Variants in FZD4 observed in about 807,000 individuals in gnomAD.
The protein encoded by FZD4 is frizzled class receptor 4.
FZD4 carries 16 observed loss-of-function variants against 37.3 expected under a neutral mutation model. That is an observed-to-expected ratio of 0.43 (90% CI 0.29 to 0.65). The LOEUF (loss-of-function observed/expected upper bound fraction) is 0.65. FZD4 is among the 30% of genes least tolerant of loss of function. FZD4 has a pLI of 0.16. For missense variants in FZD4, 599 were observed against 674.3 expected (o/e 0.89, Z 1.24); for synonymous variants, 246 against 254.8 (o/e 0.97, Z 0.33).
Position 86,951,955 on chromosome 11 carries a change from A to T in FZD4, c.801T>A (p.Ile267=). Residue 267 remains isoleucine (I), a synonymous_variant, in exon 2 of 2, where the codon ATT becomes ATA. Transcript: ENST00000531380. ...FLSMCYNIYS[I]AYIVRLTVGR... The stretch of plus-strand genomic sequence containing the variant: ...CTACAGTCAGCCTGACAATATAAGC[A>T]ATGCTATAAATATTATAGCACATAC... 6.2e-7 allele frequency: 1 copy of T among 1,613,750 alleles called. No homozygotes were observed. The highest frequency in any genetic ancestry group is 8.5e-7 in the Non-Finnish European group (1 of 1,179,680).
rs564834060 is a variant in FZD4, at chr11:86,950,570, T to C, written c.*572A>G. On this transcript the variant is annotated 3_prime_UTR_variant, in exon 2 of 2. Coordinates refer to ENST00000531380, the MANE Select transcript of FZD4 (RefSeq NM_012193.4). Reference sequence around the variant, plus strand: ...AGGCACTGAAAGATTCTAACACCACTTCTTGGGAGTGCAGTCCACAAAGTT... The same window carrying C: ...AGGCACTGAAAGATTCTAACACCACCTCTTGGGAGTGCAGTCCACAAAGTT... 1.7e-4 allele frequency: 28 copies of C among 166,838 alleles called. No individual in the cohort carries two copies. The highest frequency in any genetic ancestry group is 6.7e-4 in the African/African-American group (28 of 41,732). The allele number at this position is 166,838 out of a possible 1,614,324, so 10.3% of individuals were successfully genotyped here.
In FZD4 at chr11:86,951,288, T is replaced by G. The variant is rs765834466; in HGVS notation, c.1468A>C (p.Thr490Pro). The change falls in exon 2 of 2, where the codon ACT becomes CCT. Residue 490 changes from threonine (T) to proline (P), a missense_variant. This residue lies in a region of FZD4 where 203 missense variants were observed against 196.8 expected (regional missense o/e 1.03). Transcript: ENST00000531380. The stretch of plus-strand genomic sequence containing the variant: ...GCAGACCAAATCCACATGCCTGAAG[T>G]GATGCCCACCAACAAAGACATAAAA... ...KIFMSLLVGITSGMWIWSAKT... is the reference protein window; with the variant it reads ...KIFMSLLVGIPSGMWIWSAKT... 1.2e-6 allele frequency: 2 copies of G among 1,614,078 alleles called. No homozygotes were observed. The highest frequency in any genetic ancestry group is 8.5e-7 in the Non-Finnish European group (1 of 1,180,040).
intron 1 of FZD4, among the ~76,000 whole-genome samples, chr11:86,953,369 A>G (rs754582527): frequency 6.6e-6 from 1 of 152,206 alleles, no homozygotes; most frequent in Non-Finnish European, 1.5e-5. Context: ...ATTGCCACTG[A>G]TGTCAGGATA....
At chr11:86,952,901 TA>T (rs200014931) in intron 1 of FZD4, 117 of 158,936 alleles carry the variant, frequency 7.4e-4, no homozygotes, top group African/African-American at 2.1e-3. Flanking sequence ...AAATAAAAGT[TA>T]AAAAAAAATG....
chr11:86,950,619 A>C lies in FZD4; in HGVS notation c.*523T>G, dbSNP rs1197520612. 1 of 188,944 alleles carries C rather than the reference A, an allele frequency of 5.3e-6. No homozygotes were observed. Among genetic ancestry groups the C allele is most frequent in the Non-Finnish European group, 1.1e-5 (1 of 89,336 alleles). 11.7% of individuals were successfully genotyped at this position (188,944 alleles called of 1,614,324 possible). ...TTCTAAACAGCAGACAGCGCACCAC[A>C]GAAGATGTTTATGTTACATCAGCCA... On this transcript the variant is annotated 3_prime_UTR_variant, in exon 2 of 2. Coordinates refer to ENST00000531380, the MANE Select transcript of FZD4 (RefSeq NM_012193.4).
In FZD4 at chr11:86,950,797, T is replaced by C. The variant is rs886048731; in HGVS notation, c.*345A>G. The C allele has an allele frequency of 1.1e-5, 4 of 359,362 alleles. No individual in the cohort carries two copies. The highest frequency in any genetic ancestry group is 4.1e-5 in the Admixed American group (1 of 24,346). 22.3% of individuals were successfully genotyped at this position (359,362 alleles called of 1,614,324 possible). A position where few individuals can be genotyped will look rare whatever the true frequency, so the allele number is the denominator to read the frequency against. On this transcript the variant is annotated 3_prime_UTR_variant, in exon 2 of 2. Transcript: ENST00000531380. ...GCTAGTTACCAACTCACAGCTCAAATCCCACCCTGCAGGGGAAAACAGTAT... is the reference window on the plus strand; with the variant it reads ...GCTAGTTACCAACTCACAGCTCAAACCCCACCCTGCAGGGGAAAACAGTAT...
chr11:86,954,529 C>T (rs927329573), intron 1 of FZD4: 14 of 985,054 alleles, frequency 1.4e-5, no homozygotes, highest in Non-Finnish European at 1.7e-5. Context: ...CCCTCAGCTC[C>T]ACTGGGGTTA....
rs1371832182 is a variant in FZD4, at chr11:86,949,977, C to T, written c.*1165G>A. The T allele has an allele frequency of 6.6e-6, 1 of 152,346 alleles. No individual in the cohort carries two copies. Among genetic ancestry groups the T allele is most frequent in the Non-Finnish European group, 1.5e-5 (1 of 68,022 alleles). The allele number at this position is 152,346 out of a possible 1,614,324, so 9.4% of individuals were successfully genotyped here. On this transcript the variant is annotated 3_prime_UTR_variant, in exon 2 of 2. Transcript: ENST00000531380. ...TCCTAAGTAGACCAGATTCTGATAA[C>T]ATTCTTATGCTTTAAAAAATAAAAA...
In FZD4 at chr11:86,951,116, G is replaced by A; in HGVS notation, c.*26C>T. On this transcript the variant is annotated 3_prime_UTR_variant, in exon 2 of 2. Transcript: ENST00000531380. ...ATGCTGGCATTCCCCCCTTCAAAAT[G>A]AAGAAAGCATGGAGGCTGACTAGCC... The A allele has an allele frequency of 6.2e-7, 1 of 1,612,318 alleles. No individual in the cohort carries two copies.
rs1286059804 is a variant in FZD4, at chr11:86,951,007, G to GGGTT, written c.*131_*134dup. The GGGTT allele has an allele frequency of 8.6e-6, 8 of 931,510 alleles. No homozygotes were observed. Among genetic ancestry groups the GGGTT allele is most frequent in the Non-Finnish European group, 1.2e-5 (7 of 576,060 alleles). 57.7% of individuals were successfully genotyped at this position (931,510 alleles called of 1,614,324 possible). ...TGCTGGGGTCGGGGTGGGAGGCAGT[G>GGGTT]GGTTGACGGGGGTCACTTAATTGTT... On this transcript the variant is annotated 3_prime_UTR_variant, in exon 2 of 2. Coordinates refer to ENST00000531380, the MANE Select transcript of FZD4 (RefSeq NM_012193.4).
Position 86,951,585 on chromosome 11 carries a change from C to T in FZD4, c.1171G>A (p.Val391Met), listed in dbSNP as rs369255094. 33 of 1,614,016 alleles carry T rather than the reference C, an allele frequency of 2.0e-5. No homozygotes were observed. The highest frequency in any genetic ancestry group is 5.3e-5 in the African/African-American group (4 of 74,914). ...AAATAAGTAAAGAGGGGAGCCACCA[C>T]GAACCCGGTGAGGGCATCGAGATTT... is the stretch of plus-strand genomic sequence containing the variant. Reference protein sequence around the residue: ...NQNLDALTGFVVAPLFTYLVI... With the variant: ...NQNLDALTGFMVAPLFTYLVI... Residue 391 changes from valine (V) to methionine (M), a missense_variant, in exon 2 of 2, where the codon GTG (valine) becomes ATG (methionine). This residue lies in a region of FZD4 where 203 missense variants were observed against 196.8 expected (regional missense o/e 1.03). Transcript: ENST00000531380.
At position 86,952,292 on chromosome 11, in the gene FZD4, T is replaced by C. The variant is rs1383366398; in HGVS notation, c.464A>G (p.Asn155Ser). ...CSKFPPQNDH[N>S]HMCMEGPGDE... Reference sequence around the variant, plus strand: ...ACCTGGCCCTTCCATGCACATGTGGTTGTGGTCGTTCTGTGGTGGGAATTT... The same window carrying C: ...ACCTGGCCCTTCCATGCACATGTGGCTGTGGTCGTTCTGTGGTGGGAATTT... Residue 155 changes from asparagine to serine, a missense_variant, in exon 2 of 2, where the codon AAC (asparagine) becomes AGC (serine). Transcript: ENST00000531380. The C allele has an allele frequency of 1.9e-6, 3 of 1,614,046 alleles. No individual in the cohort carries two copies. In the African/African-American group the frequency reaches 4.0e-5, roughly 22 times the overall value.
chr11:86,951,638 A>T lies in FZD4; in HGVS notation c.1118T>A (p.Leu373Gln). The T allele has an allele frequency of 6.2e-7, 1 of 1,614,206 alleles. No individual in the cohort carries two copies. Among genetic ancestry groups the T allele is most frequent in the Non-Finnish European group, 8.5e-7 (1 of 1,180,036 alleles). Residue 373 changes from leucine to glutamine, a missense_variant, in exon 2 of 2, where the codon CTG (leucine) becomes CAG (glutamine). This residue lies in a region of FZD4 where 203 missense variants were observed against 196.8 expected (regional missense o/e 1.03). Coordinates refer to ENST00000531380, the MANE Select transcript of FZD4 (RefSeq NM_012193.4). ...GTTTCCAACATAGCACAAGCCAGTC[A>T]GTTCATCTGCATCCACCAGTCTCAT... ...LIMRLVDADE[L>Q]TGLCYVGNQN...
rs770760702 is a variant in FZD4 at position 86,954,750 on chromosome 11, G to C, written c.285+51C>G. The C allele has an allele frequency of 1.4e-5, 22 of 1,547,320 alleles. No individual in the cohort carries two copies. The South Asian group carries it at 2.2e-4, about 15-fold the overall frequency. On this transcript the variant is annotated intron_variant, in intron 1 of 1. Coordinates refer to ENST00000531380, the MANE Select transcript of FZD4 (RefSeq NM_012193.4). ...GCATGGGCTCTGCAAAGTTAGTTTG[G>C]AGCGTCCCTCCCCAAGGGGTCCCGC...
At position 86,952,026 on chromosome 11, in the gene FZD4, C is replaced by A; in HGVS notation, c.730G>T (p.Asp244Tyr). The change falls in exon 2 of 2, where the codon GAT (aspartate) becomes TAT (tyrosine). Residue 244 changes from aspartate (D) to tyrosine (Y), a missense_variant. This residue lies in a region of FZD4 where 357 missense variants were observed against 396.1 expected (regional missense o/e 0.90). Coordinates refer to ENST00000531380, the MANE Select transcript of FZD4 (RefSeq NM_012193.4). ...TCAGGGTAGGAAAACCTAGAAGAAT[C>A]GATCAGGAAGGTCAGTACTGTGAAG... ...TAFTVLTFLI[D>Y]SSRFSYPERP... is the part of the protein sequence containing the mutation. The A allele has an allele frequency of 6.2e-7, 1 of 1,613,966 alleles. No individual in the cohort carries two copies.
chr11:86,951,726 T>C lies in FZD4; in HGVS notation c.1030A>G (p.Ser344Gly), dbSNP rs745360980. 5.0e-6 allele frequency: 8 copies of C among 1,614,226 alleles called. No homozygotes were observed. The South Asian group carries it at 6.6e-5, about 13-fold the overall frequency. ...KWGHEAIEMH[S>G]SYFHIAAWAI... ...CAGGCTGCAATGTGGAAATAAGAGC[T>C]GTGCATTTCAATGGCTTCATGACCC... The change falls in exon 2 of 2, where the codon AGC (serine) becomes GGC (glycine). Residue 344 changes from serine to glycine, a missense_variant. Around this residue, in one of 3 missense-constraint regions of FZD4, gnomAD observed 39 missense variants for 81.4 expected, o/e 0.48. Coordinates refer to ENST00000531380, the MANE Select transcript of FZD4 (RefSeq NM_012193.4).
rs1565396395 is a variant in FZD4, at chr11:86,950,373, A to C, written c.*769T>G. 1 of 152,682 alleles carries C rather than the reference A, an allele frequency of 6.5e-6. No individual in the cohort carries two copies. Among genetic ancestry groups the C allele is most frequent in the Admixed American group, 6.5e-5 (1 of 15,288 alleles). 9.5% of individuals were successfully genotyped at this position (152,682 alleles called of 1,614,324 possible). ...TCTTTAAGCATGCTGCAGTACAAAAATTCTATAAAAATACCTTTTTTGAGT... is the reference window on the plus strand; with the variant it reads ...TCTTTAAGCATGCTGCAGTACAAAACTTCTATAAAAATACCTTTTTTGAGT... On this transcript the variant is annotated 3_prime_UTR_variant, in exon 2 of 2. Coordinates refer to ENST00000531380, the MANE Select transcript of FZD4 (RefSeq NM_012193.4).
intron 1 of FZD4, chr11:86,954,428 C>T: frequency 1.0e-6 from 1 of 985,248 alleles, no homozygotes; most frequent in South Asian, 4.7e-5. Flanking sequence ...GAAGGATGGT[C>T]TCCTTATCAC....
intron 1 of FZD4, 27 bp from the exon 2 acceptor site, chr11:86,952,497 AC>A: frequency 2.5e-6 from 4 of 1,606,008 alleles, no homozygotes; most frequent in Non-Finnish European, 3.4e-6. Context: ...ATGAACACAC[AC>A]AAAAAAAACA....
Sources: gnomAD v4.1 joint callset for allele counts (sites outside exome capture counted in the v4.1 genomes callset) on GRCh38, gnomAD v4.1.1 for gene constraint, gnomAD v4.1.1 regional missense constraint, MANE v1.5 for transcripts, NCBI Gene and HGNC (gene_info 2026-07-23, HGNC 2026-07-21) for gene names.